The following GRID2 variants were observed in gnomAD, a reference collection of about 807,000 sequenced individuals.
The protein encoded by GRID2 is glutamate receptor ionotropic, delta-2.
Under a neutral mutation model 114.8 loss-of-function variants are expected in GRID2, and 33 were observed. That is an observed-to-expected ratio of 0.29 (90% CI 0.22 to 0.38). The LOEUF is 0.38. Ranked by LOEUF, GRID2 falls within the 10% of genes least tolerant of loss-of-function variation. The pLI, the probability that GRID2 is intolerant of heterozygous loss-of-function variation, is 1.00. For synonymous variants in GRID2, 505 were observed against 449.9 expected, an observed-to-expected ratio of 1.12 and a Z score of -1.55; for missense variants, 1,184 against 1,257.7, an observed-to-expected ratio of 0.94 and a Z score of 0.89.
At chr4:93,202,266 T>C (rs1018447457) in intron 4 of GRID2, among the ~76,000 whole-genome samples, 2 of 152,140 alleles carry the variant, frequency 1.3e-5, no homozygotes, top group African/African-American at 4.8e-5. Flanking sequence ...AATCGAAAAC[T>C]TTTTGAAATT....
At chr4:93,107,859 T>C (rs1732399952) in intron 3 of GRID2, among the ~76,000 whole-genome samples, 1 of 152,236 alleles carries the variant, frequency 6.6e-6, no homozygotes, top group South Asian at 2.1e-4. Flanking sequence ...TCTGCTCACA[T>C]ATCCAGTCAT....
rs185063536 is a variant in GRID2, at chr4:93,572,819, T to C, written c.2194-53450T>C. Among the ~76,000 whole-genome samples, 41 of 152,198 alleles carry C rather than the reference T, an allele frequency of 2.7e-4. No homozygotes were observed. The East Asian group carries it at 7.7e-3, about 29-fold the overall frequency. On this transcript the variant is annotated intron_variant, in intron 13 of 15. Transcript: ENST00000282020. ...CAGAATATGGAGAGAGGGGTTGCCA[T>C]ATTGGGTCCTAAGATACAGCAACCT...
intron 2 of GRID2, among the ~76,000 whole-genome samples, chr4:93,005,030 T>C (rs1721368061): frequency 6.6e-6 from 1 of 152,040 alleles, no homozygotes; most frequent in African/African-American, 2.4e-5. Context: ...CACTCACTGC[T>C]TATGTGATTC....
intron 1 of GRID2, among the ~76,000 whole-genome samples, chr4:92,435,361 C>A (rs1732686709): frequency 6.6e-6 from 1 of 152,168 alleles, no homozygotes. Context: ...TAACTGGAAG[C>A]AGTATCCATG....
intron 2 of GRID2, among the ~76,000 whole-genome samples, chr4:92,958,467 A>T (rs1288128514): frequency 6.6e-6 from 1 of 152,092 alleles, no homozygotes; most frequent in East Asian, 1.9e-4. Flanking sequence ...ATGATGGACC[A>T]TATTAATTGA....
chr4:92,595,455 G>A (rs1728906188), intron 2 of GRID2, among the ~76,000 whole-genome samples: 1 of 151,866 alleles, frequency 6.6e-6, no homozygotes, highest in Admixed American at 6.6e-5. Flanking sequence ...ATATAAAAAA[G>A]TTGTAGTTAA....
rs190996589 is a variant in GRID2 at position 92,867,088 on chromosome 4, T to G, written c.245-217907T>G. Among the ~76,000 whole-genome samples the G allele has an allele frequency of 2.1e-3, 326 of 152,300 alleles. 1 individual carries two copies. Among genetic ancestry groups the G allele is most frequent in the African/African-American group, 7.6e-3 (317 of 41,568 alleles). On this transcript the variant is annotated intron_variant, in intron 2 of 15. Coordinates refer to ENST00000282020, the MANE Select transcript of GRID2 (RefSeq NM_001510.4). ...TATTACATTTTAAGAAATTTAAGAA[T>G]ACCGATACTGTATTTCTTCTTTTAC...
At chr4:93,312,560 TA>T (rs1288662757) in intron 8 of GRID2, among the ~76,000 whole-genome samples, 2 of 152,170 alleles carry the variant, frequency 1.3e-5, no homozygotes, top group Admixed American at 6.5e-5. Context: ...GGTAGGGAAG[TA>T]AAATTTCAAC....
At chr4:93,016,017 T>A (rs1261492171) in intron 2 of GRID2, among the ~76,000 whole-genome samples, 1 of 150,522 alleles carries the variant, frequency 6.6e-6, no homozygotes, top group Non-Finnish European at 1.5e-5. Flanking sequence ...CTACAAAGAG[T>A]TAAGATAATG....
At chr4:93,145,737 C>A (rs982559377) in intron 4 of GRID2, among the ~76,000 whole-genome samples, 12 of 130,246 alleles carry the variant, frequency 9.2e-5, no homozygotes, top group Non-Finnish European at 1.2e-4. Context: ...CTCAAGTGAA[C>A]TGGCCGCCTG....
intron 1 of GRID2, among the ~76,000 whole-genome samples, chr4:92,377,950 C>T (rs1024523589): frequency 6.6e-6 from 1 of 152,074 alleles, no homozygotes; most frequent in African/African-American, 2.4e-5. Context: ...CCCAATATTT[C>T]AACGTATGTG....
intron 13 of GRID2, among the ~76,000 whole-genome samples, chr4:93,546,935 G>C (rs1174969765): frequency 1.3e-5 from 2 of 152,074 alleles, no homozygotes; most frequent in African/African-American, 4.8e-5. Context: ...AAAAGCTGGA[G>C]GGTGAATAAT....
intron 4 of GRID2, among the ~76,000 whole-genome samples, chr4:93,183,228 G>A (rs753110158): frequency 2.6e-5 from 4 of 151,760 alleles, no homozygotes; most frequent in Non-Finnish European, 5.9e-5. Flanking sequence ...GATCCATTTG[G>A]GTAAAATTTT....
chr4:93,522,289 G>A (rs562242262), intron 13 of GRID2, among the ~76,000 whole-genome samples: 1 of 152,218 alleles, frequency 6.6e-6, no homozygotes, highest in South Asian at 2.1e-4. Flanking sequence ...GAGATTTGAA[G>A]AAAGAGAAAA....
chr4:92,480,138 G>A (rs556698740), intron 1 of GRID2, among the ~76,000 whole-genome samples: 2 of 152,038 alleles, frequency 1.3e-5, no homozygotes, highest in East Asian at 3.9e-4. Flanking sequence ...TATCTTCTCA[G>A]TTCTACTAAA....
At chr4:92,825,960 A>C in intron 2 of GRID2, among the ~76,000 whole-genome samples, 1 of 152,114 alleles carries the variant, frequency 6.6e-6, no homozygotes, top group Admixed American at 6.6e-5. Flanking sequence ...AAGTATCCTG[A>C]GTGTTCCAAC....
chr4:92,779,336 C>T (rs1738960447), intron 2 of GRID2, among the ~76,000 whole-genome samples: 1 of 151,936 alleles, frequency 6.6e-6, no homozygotes, highest in Admixed American at 6.6e-5. Flanking sequence ...GCTTTCATTA[C>T]TGTTCATTTT....
At chr4:92,921,843 A>G (rs1749369083) in intron 2 of GRID2, among the ~76,000 whole-genome samples, 2 of 152,196 alleles carry the variant, frequency 1.3e-5, no homozygotes, top group Admixed American at 6.5e-5. Context: ...CTCCAACTGC[A>G]TGCTGGGAGA....
At chr4:93,065,036 G>A (rs747521902) in intron 2 of GRID2, among the ~76,000 whole-genome samples, 17 of 151,896 alleles carry the variant, frequency 1.1e-4, no homozygotes, top group Admixed American at 3.3e-4. Flanking sequence ...TGAGGCTATC[G>A]TGTTTTTGTG....
Sources: allele counts gnomAD v4.1 joint callset (sites outside exome capture counted in the v4.1 genomes callset), GRCh38; gene constraint gnomAD v4.1.1; transcripts MANE v1.5; gene names NCBI Gene and HGNC (gene_info 2026-07-23, HGNC 2026-07-21).